Variants in SNX1 observed in about 807,000 individuals in gnomAD.
SNX1 encodes the protein sorting nexin 1.
A neutral mutation model predicts 71.8 loss-of-function variants in SNX1; 36 were observed. The ratio of observed to expected loss-of-function variants is 0.50; its 90% CI spans 0.38 to 0.66. The LOEUF (loss-of-function observed/expected upper bound fraction) is 0.66, where lower values mean the gene tolerates loss of function less well. Ranked by LOEUF, SNX1 falls within the 30% of genes least tolerant of loss-of-function variation. SNX1 has a pLI of 0.00. For synonymous variants in SNX1, 254 were observed against 240.7 expected (o/e 1.06, Z -0.51); for missense variants, 612 against 646.7 (o/e 0.95, Z 0.58).
At position 64,138,028 on chromosome 15, in the gene SNX1, TG is replaced by T; in HGVS notation, c.*412del. Reference sequence around the variant, plus strand: ...CAGGTCACATGACTCAGAATGTTGGTGGTTTTTGCTTAGGCTGGGGAGCAGT... The same window carrying T: ...CAGGTCACATGACTCAGAATGTTGGTGTTTTTGCTTAGGCTGGGGAGCAGT... On this transcript the variant is annotated 3_prime_UTR_variant, in exon 15 of 15. Coordinates refer to ENST00000559844, the MANE Select transcript of SNX1 (RefSeq NM_003099.5). The T allele has an allele frequency of 6.6e-7, 1 of 1,511,956 alleles. No individual in the cohort carries two copies. The highest frequency in any genetic ancestry group is 2.5e-5 in the East Asian group (1 of 40,568). 93.7% of individuals were successfully genotyped at this position (1,511,956 alleles called of 1,614,324 possible). A position where few individuals can be genotyped will look rare whatever the true frequency, so the allele number is the denominator to read the frequency against.
chr15:64,130,120 C>G, intron 9 of SNX1, 91 bp downstream of exon 9: 1 of 1,473,390 alleles, frequency 6.8e-7, no homozygotes. Flanking sequence ...AGATTAGAAA[C>G]TTTTTTATAA....
At chr15:64,130,537 G>A (rs1273891401) in intron 10 of SNX1, among the ~76,000 whole-genome samples, 1 of 152,196 alleles carries the variant, frequency 6.6e-6, no homozygotes. Context: ...CTACCTGGGA[G>A]GGGTGCAGGG....
intron 4 of SNX1, among the ~76,000 whole-genome samples, chr15:64,122,824 CAG>C (rs2081209528): frequency 6.6e-6 from 1 of 152,128 alleles, no homozygotes; most frequent in African/African-American, 2.4e-5. Context: ...GACATCACCA[CAG>C]AGAAAAACAA....
intron 2 of SNX1, among the ~76,000 whole-genome samples, chr15:64,115,022 A>G (rs558877362): frequency 1.3e-5 from 2 of 152,318 alleles, no homozygotes; most frequent in East Asian, 3.9e-4. Flanking sequence ...ATATGAAGGC[A>G]AATAATGAAT....
intron 4 of SNX1, among the ~76,000 whole-genome samples, chr15:64,120,266 C>CTTTTTT (rs35526278): frequency 4.6e-4 from 31 of 67,092 alleles, no homozygotes; most frequent in African/African-American, 1.4e-3. Flanking sequence ...AAATGGTTGT[C>CTTTTTT]TTTTTTTTTT....
chr15:64,136,780 C>G, intron 13 of SNX1, 81 bp from the exon 14 acceptor site: 1 of 1,023,876 alleles, frequency 9.8e-7, no homozygotes, highest in Non-Finnish European at 1.5e-6. Context: ...CTGTGTTTGG[C>G]CTTGGTCAGC....
chr15:64,137,689 G>A lies in SNX1; in HGVS notation c.*71G>A. The A allele has an allele frequency of 8.7e-6, 14 of 1,607,642 alleles. No homozygotes were observed. Among genetic ancestry groups the A allele is most frequent in the Non-Finnish European group, 1.2e-5 (14 of 1,176,096 alleles). On this transcript the variant is annotated 3_prime_UTR_variant, in exon 15 of 15. Coordinates refer to ENST00000559844, the MANE Select transcript of SNX1 (RefSeq NM_003099.5). ...TACACTGTCCTCCTCCACCTTGATGGACCCCTAGTGATGCATCCTGCCTAG... is the reference window on the plus strand; with the variant it reads ...TACACTGTCCTCCTCCACCTTGATGAACCCCTAGTGATGCATCCTGCCTAG...
At chr15:64,110,455 G>A (rs2081067534) in intron 1 of SNX1, among the ~76,000 whole-genome samples, 1 of 152,152 alleles carries the variant, frequency 6.6e-6, no homozygotes, top group Non-Finnish European at 1.5e-5. Flanking sequence ...GGAGTGTAGT[G>A]GTGTGATCAT....
chr15:64,117,718 C>T lies in SNX1; in HGVS notation c.272-399C>T, dbSNP rs149283282. 4.0e-3 allele frequency among the ~76,000 whole-genome samples: 611 copies of T among 152,192 alleles called. 6 individuals are homozygous for T. Among genetic ancestry groups the T allele is most frequent in the African/African-American group, 0.014 (573 of 41,522 alleles). On this transcript the variant is annotated intron_variant, in intron 2 of 14. Transcript: ENST00000559844. ...GAGGCAGGAGAATCACTTGAACCTG[C>T]GAGGTGGAGGTTGCAGTGAGCCCAG...
At chr15:64,127,332 T>A (rs2081264283) in intron 7 of SNX1, 80 bp downstream of exon 7, 3 of 1,073,948 alleles carry the variant, frequency 2.8e-6, no homozygotes, top group Non-Finnish European at 4.2e-6. Context: ...GACGAGACAG[T>A]CCATTGAGTT....
intron 2 of SNX1, among the ~76,000 whole-genome samples, chr15:64,116,566 G>A (rs1194270158): frequency 6.6e-6 from 1 of 152,086 alleles, no homozygotes; most frequent in Non-Finnish European, 1.5e-5. Context: ...TATGCTATAG[G>A]CATATATGCA....
At chr15:64,136,759 A>T in intron 13 of SNX1, 102 bp from the exon 14 acceptor site, 1 of 826,274 alleles carries the variant, frequency 1.2e-6, no homozygotes, top group Non-Finnish European at 2.0e-6. Context: ...TGCTGCCTCT[A>T]CTTTCTGAGA....
At position 64,118,145 on chromosome 15, in the gene SNX1, C is replaced by T; in HGVS notation, c.300C>T (p.Ser100=). ...ADATVELSLD[S]TQNNQKKVLA... The stretch of plus-strand genomic sequence containing the variant: ...CCACAGTGGAGCTATCCTTGGACAG[C>T]ACACAAAATAATCAGAAGAAGGTGC... Residue 100 remains serine, a synonymous_variant, in exon 3 of 15, where the codon AGC becomes AGT. Coordinates refer to ENST00000559844, the MANE Select transcript of SNX1 (RefSeq NM_003099.5). 2 of 1,612,046 alleles carry T rather than the reference C, an allele frequency of 1.2e-6. No homozygotes were observed. Among genetic ancestry groups the T allele is most frequent in the Non-Finnish European group, 1.7e-6 (2 of 1,179,476 alleles).
rs1200188674 is a variant in SNX1 at position 64,096,068 on chromosome 15, C to T, written c.55C>T (p.Pro19Ser). The T allele has an allele frequency of 1.3e-6, 2 of 1,583,824 alleles. No homozygotes were observed. The highest frequency in any genetic ancestry group is 8.6e-7 in the Non-Finnish European group (1 of 1,168,602). The change falls in exon 1 of 15, where the codon CCC (proline) becomes TCC (serine). Residue 19 changes from proline to serine, a missense_variant. Physicochemically the swap from Pro to Ser is moderately conservative, Grantham distance 74. Around this residue, in one of 2 missense-constraint regions of SNX1, gnomAD observed 316 missense variants for 284.9 expected, o/e 1.11. Transcript: ENST00000559844. ...SASERLPPPF[P>S]GLEPESEGAA... ...TTCGGAGAGACTGCCTCCGCCCTTCCCCGGCCTGGAGCCGGAGTCCGAGGG... is the reference window on the plus strand; with the variant it reads ...TTCGGAGAGACTGCCTCCGCCCTTCTCCGGCCTGGAGCCGGAGTCCGAGGG...
chr15:64,123,898 T>G (rs1202020015), intron 5 of SNX1, among the ~76,000 whole-genome samples: 1 of 152,142 alleles, frequency 6.6e-6, no homozygotes, highest in Admixed American at 6.5e-5. Context: ...AGAGAGCTTT[T>G]TTAAATACTT....
At chr15:64,124,767 G>A (rs1595996152) in intron 5 of SNX1, among the ~76,000 whole-genome samples, 1 of 152,132 alleles carries the variant, frequency 6.6e-6, no homozygotes, top group African/African-American at 2.4e-5. Context: ...TGGGTCATAG[G>A]TACTGCAAAT....
At chr15:64,119,737 A>AAACAC (rs781321747) in intron 4 of SNX1, among the ~76,000 whole-genome samples, 56 of 141,098 alleles carry the variant, frequency 4.0e-4, no homozygotes, top group South Asian at 1.5e-3. Context: ...AAAAAAAAAA[A>AAACAC]ACACACACAC....
At chr15:64,105,103 T>C (rs534444594) in intron 1 of SNX1, among the ~76,000 whole-genome samples, 15 of 150,940 alleles carry the variant, frequency 9.9e-5, no homozygotes, top group African/African-American at 3.7e-4. Context: ...GGCGTGGTGG[T>C]GCGTGCCTGT....
chr15:64,130,396 T>C, intron 10 of SNX1, 75 bp downstream of exon 10: 1 of 1,191,678 alleles, frequency 8.4e-7, no homozygotes, highest in Non-Finnish European at 1.2e-6. Context: ...GAGGGCATGC[T>C]GTTCCAATCC....
Sources: allele counts gnomAD v4.1 joint callset (sites outside exome capture counted in the v4.1 genomes callset), GRCh38; gene constraint gnomAD v4.1.1; regional missense constraint gnomAD v4.1.1; transcripts MANE v1.5; gene names NCBI Gene and HGNC (gene_info 2026-07-23, HGNC 2026-07-21).